Variants in NNT observed in about 807,000 individuals in gnomAD.
NNT encodes the protein NAD(P) transhydrogenase, mitochondrial.
A neutral mutation model predicts 104.8 loss-of-function variants in NNT; 50 were observed. The ratio of observed to expected loss-of-function variants is 0.48; its 90% CI spans 0.38 to 0.60. The LOEUF (loss-of-function observed/expected upper bound fraction) is 0.60, where lower values mean the gene tolerates loss of function less well. Ranked by LOEUF, NNT falls within the 20% of genes least tolerant of loss-of-function variation. NNT has a pLI of 0.00. For synonymous variants in NNT, 461 were observed against 490.4 expected (o/e 0.94, Z 0.79); for missense variants, 1,131 against 1,330.7 (o/e 0.85, Z 2.33).
intron 18 of NNT, 104 bp downstream of exon 18, chr5:43,675,774 G>A: frequency 3.6e-6 from 3 of 844,114 alleles, no homozygotes; most frequent in South Asian, 5.8e-5. Context: ...CTTTAGTTTT[G>A]AAAATATAAT....
chr5:43,656,425 T>C (rs1740050827), intron 15 of NNT, among the ~76,000 whole-genome samples: 1 of 152,200 alleles, frequency 6.6e-6, no homozygotes, highest in South Asian at 2.1e-4. Context: ...TGATACTTAG[T>C]AAGTCTCATA....
At chr5:43,604,847 T>G (rs1234826363) in intron 1 of NNT, among the ~76,000 whole-genome samples, 6 of 152,104 alleles carry the variant, frequency 3.9e-5, no homozygotes, top group Non-Finnish European at 7.4e-5. Flanking sequence ...AATTAATTTT[T>G]TTTTTTTAGC....
chr5:43,679,674 G>A (rs941964311), intron 19 of NNT, among the ~76,000 whole-genome samples: 15 of 152,288 alleles, frequency 9.8e-5, no homozygotes, highest in African/African-American at 3.6e-4. Context: ...ATAAACTACT[G>A]TTGTAGGATG....
In NNT at chr5:43,702,635, C is replaced by T; in HGVS notation, c.3010C>T (p.Leu1004Phe). ...TTATTATATAGATACTGATTTGGTC[C>T]TTGTAATTGGAGCTAATGACACTGT... Reference protein sequence around the residue: ...NHDFPDTDLVLVIGANDTVNS... With the variant: ...NHDFPDTDLVFVIGANDTVNS... The change falls in exon 21 of 22, where the codon CTT becomes TTT. Residue 1004 changes from leucine (L) to phenylalanine (F), a missense_variant. Leu to Phe is a conservative substitution (Grantham distance 22). Coordinates refer to ENST00000344920, the MANE Select transcript of NNT (RefSeq NM_182977.3). 6.2e-7 allele frequency: 1 copy of T among 1,605,296 alleles called. No individual in the cohort carries two copies.
chr5:43,634,345 C>T (rs554572743), intron 7 of NNT, among the ~76,000 whole-genome samples: 5 of 152,206 alleles, frequency 3.3e-5, no homozygotes, highest in South Asian at 4.2e-4. Context: ...CCTGTGCTTT[C>T]GGGCAAGAGA....
intron 17 of NNT, chr5:43,667,113 C>T: frequency 2.0e-6 from 3 of 1,531,452 alleles, no homozygotes; most frequent in Non-Finnish European, 2.7e-6. Flanking sequence ...GCATGTTCCT[C>T]AGGAACTTGG....
chr5:43,671,989 A>G (rs1741124909), intron 17 of NNT, among the ~76,000 whole-genome samples: 1 of 151,960 alleles, frequency 6.6e-6, no homozygotes, highest in South Asian at 2.1e-4. Flanking sequence ...ATTTCTTTTT[A>G]CTATTTTTTC....
chr5:43,685,841 T>C (rs979662859), intron 19 of NNT, among the ~76,000 whole-genome samples: 2 of 152,158 alleles, frequency 1.3e-5, no homozygotes, highest in African/African-American at 4.8e-5. Context: ...TGGAAACTTC[T>C]GTTGTTGTGT....
intron 17 of NNT, chr5:43,666,920 C>T: frequency 1.3e-6 from 2 of 1,580,988 alleles, no homozygotes; most frequent in East Asian, 2.2e-5. Flanking sequence ...ACACGCTTCC[C>T]AAGCTTGGGG....
chr5:43,644,439 A>T, intron 8 of NNT, 114 bp downstream of exon 8: 1 of 1,353,376 alleles, frequency 7.4e-7, no homozygotes, highest in Non-Finnish European at 1.0e-6. Flanking sequence ...TAAAATTAAA[A>T]ATAGGCATAT....
At chr5:43,628,006 C>T (rs1750458331) in intron 6 of NNT, among the ~76,000 whole-genome samples, 194 bp from the exon 7 acceptor site, 1 of 151,704 alleles carries the variant, frequency 6.6e-6, no homozygotes. Context: ...TTTTTTCTTT[C>T]AGAAAAGAAT....
intron 2 of NNT, among the ~76,000 whole-genome samples, 156 bp from the exon 3 acceptor site, chr5:43,612,752 G>A (rs1309560533): frequency 1.3e-5 from 2 of 152,174 alleles, no homozygotes; most frequent in African/African-American, 4.8e-5. Context: ...AGAATTATAA[G>A]TATGAATCAG....
chr5:43,620,366 C>T (rs1434962010), intron 5 of NNT, among the ~76,000 whole-genome samples: 1 of 152,062 alleles, frequency 6.6e-6, no homozygotes, highest in Non-Finnish European at 1.5e-5. Flanking sequence ...ACTATGGGCG[C>T]CGGCCACCAT....
intron 6 of NNT, among the ~76,000 whole-genome samples, chr5:43,624,710 T>G (rs1300186770): frequency 1.3e-5 from 2 of 152,350 alleles, no homozygotes; most frequent in East Asian, 1.9e-4. Flanking sequence ...CTAGATTGTC[T>G]TTAAAGAGAA....
At chr5:43,659,491 G>T (rs1740241525) in intron 17 of NNT, 141 bp downstream of exon 17, 1 of 662,846 alleles carries the variant, frequency 1.5e-6, no homozygotes, top group Non-Finnish European at 2.4e-6. Flanking sequence ...AGCACTTTAG[G>T]AGGCCAAGGC....
chr5:43,644,418 G>T (rs547494541), intron 8 of NNT, 93 bp downstream of exon 8: 23 of 1,480,198 alleles, frequency 1.6e-5, no homozygotes, highest in East Asian at 9.2e-5. Flanking sequence ...AGACATTAAG[G>T]CTTGAAATTT....
intron 10 of NNT, chr5:43,648,008 T>C: frequency 1.1e-6 from 1 of 892,688 alleles, no homozygotes; most frequent in Non-Finnish European, 1.6e-6. Context: ...ATGACACAGC[T>C]AGGGAGCAGC....
intron 19 of NNT, among the ~76,000 whole-genome samples, chr5:43,689,718 G>A (rs527904353): frequency 6.6e-6 from 1 of 152,228 alleles, no homozygotes; most frequent in South Asian, 2.1e-4. Flanking sequence ...AGCTAATCAA[G>A]GAGGCACCAG....
At chr5:43,673,752 C>G (rs1013523420) in intron 17 of NNT, among the ~76,000 whole-genome samples, 1 of 152,148 alleles carries the variant, frequency 6.6e-6, no homozygotes, top group East Asian at 1.9e-4. Flanking sequence ...GGCACTGTGG[C>G]TCATTCATGT....
Sources: allele counts gnomAD v4.1 joint callset (sites outside exome capture counted in the v4.1 genomes callset), GRCh38; gene constraint gnomAD v4.1.1; transcripts MANE v1.5; gene names NCBI Gene and HGNC (gene_info 2026-07-23, HGNC 2026-07-21).